N4BP1: variants seen among roughly 807,000 people sequenced by gnomAD.
N4BP1 encodes the protein NEDD4 binding protein 1, also known as NEDD4-binding protein 1.
N4BP1 carries 21 observed loss-of-function variants against 70.9 expected under a neutral mutation model. The ratio of observed to expected loss-of-function variants is 0.30; its 90% confidence interval spans 0.21 to 0.43. The LOEUF (loss-of-function observed/expected upper bound fraction) is 0.43, where lower values mean the gene tolerates loss of function less well. Ranked by LOEUF, N4BP1 falls within the 20% of genes least tolerant of loss-of-function variation. The probability of loss-of-function intolerance (pLI) is 1.00; values close to 1 mark genes in which losing one functional copy is unlikely to be tolerated. For synonymous variants in N4BP1, 387 were observed against 394.6 expected (o/e 0.98, Z 0.23); for missense variants, 936 against 1,069.4 (o/e 0.88, Z 1.74).
intron 1 of N4BP1, among the ~76,000 whole-genome samples, chr16:48,607,577 A>G (rs781182825): frequency 6.6e-6 from 1 of 152,194 alleles, no homozygotes; most frequent in Non-Finnish European, 1.5e-5. Context: ...ATGAATGAGT[A>G]AAGGCAATGG....
At chr16:48,590,795 C>T (rs1393890554) in intron 1 of N4BP1, among the ~76,000 whole-genome samples, 1 of 152,148 alleles carries the variant, frequency 6.6e-6, no homozygotes, top group African/African-American at 2.4e-5. Context: ...TCCATAGCCC[C>T]ATGGTGTGGT....
intron 1 of N4BP1, among the ~76,000 whole-genome samples, chr16:48,564,908 TTTTA>T (rs1444883248): frequency 6.6e-6 from 1 of 152,248 alleles, no homozygotes; most frequent in Non-Finnish European, 1.5e-5. Flanking sequence ...GTTTTAAGAA[TTTTA>T]TTTTTCTGAG....
chr16:48,561,439 C>G lies in N4BP1; in HGVS notation c.1204G>C (p.Val402Leu). The change falls in exon 2 of 7, where the codon GTG becomes CTG. Residue 402 changes from valine (V) to leucine (L), a missense_variant. Physicochemically the swap from Val to Leu is conservative, Grantham distance 32. Around this residue, in one of 4 missense-constraint regions of N4BP1, gnomAD observed 515 missense variants for 491.7 expected, o/e 1.05. Transcript: ENST00000262384. ...QEDREFSAGT[V>L]YPETNKTKNK... is the part of the protein sequence containing the mutation. ...TTGGTTTTGTTGGTCTCTGGATACA[C>G]TGTACCAGCTGAAAATTCTCTGTCT... is the stretch of plus-strand genomic sequence containing the variant. 6 of 1,612,406 alleles carry G rather than the reference C, an allele frequency of 3.7e-6. No homozygotes were observed. Among genetic ancestry groups the G allele is most frequent in the Non-Finnish European group, 4.2e-6 (5 of 1,179,544 alleles).
At position 48,561,117 on chromosome 16, in the gene N4BP1, C is replaced by A; in HGVS notation, c.1526G>T (p.Arg509Met). Reference sequence around the variant, plus strand: ...TCTGGGCTGGTGACTTGAAGCTCCCCTTGAAACAAAATTGACTTCTTTGGG... The same window carrying A: ...TCTGGGCTGGTGACTTGAAGCTCCCATTGAAACAAAATTGACTTCTTTGGG... ...PSPKEVNFVS[R>M]GASSHQPRVP... The change falls in exon 2 of 7, where the codon AGG (arginine) becomes ATG (methionine). Residue 509 changes from arginine (R) to methionine (M), a missense_variant. Arg to Met is a moderately conservative substitution (Grantham distance 91). Coordinates refer to ENST00000262384, the MANE Select transcript of N4BP1 (RefSeq NM_153029.4). The A allele has an allele frequency of 2.3e-5, 37 of 1,613,980 alleles. No individual in the cohort carries two copies. The highest frequency in any genetic ancestry group is 3.1e-5 in the Non-Finnish European group (37 of 1,179,874).
chr16:48,600,786 C>T (rs1460359978), intron 1 of N4BP1: 8 of 274,534 alleles, frequency 2.9e-5, no homozygotes, highest in Non-Finnish European at 5.7e-5. Context: ...CTGCCATCTA[C>T]AAAACATCAG....
intron 1 of N4BP1, among the ~76,000 whole-genome samples, chr16:48,606,286 C>A (rs11640203): frequency 0.068 from 10,304 of 152,240 alleles, 459 homozygotes; most frequent in Middle Eastern, 0.11. Context: ...CCCCCTACCC[C>A]CTCATGCCCA....
At chr16:48,605,199 A>C (rs1445826766) in intron 1 of N4BP1, among the ~76,000 whole-genome samples, 1 of 151,880 alleles carries the variant, frequency 6.6e-6, no homozygotes, top group Non-Finnish European at 1.5e-5. Flanking sequence ...CACCTGGCTA[A>C]TTTTGTAATT....
intron 1 of N4BP1, among the ~76,000 whole-genome samples, chr16:48,576,033 T>C (rs1964087771): frequency 6.6e-6 from 1 of 151,990 alleles, no homozygotes; most frequent in South Asian, 2.1e-4. Flanking sequence ...CACTTTAGTA[T>C]GCTATTTTTT....
intron 2 of N4BP1, among the ~76,000 whole-genome samples, chr16:48,559,191 C>A (rs538148967): frequency 6.6e-6 from 1 of 151,930 alleles, no homozygotes; most frequent in Non-Finnish European, 1.5e-5. Flanking sequence ...ATTTGAAAAT[C>A]CTAATAAAAA....
chr16:48,560,376 T>TA (rs3842356), intron 2 of N4BP1, among the ~76,000 whole-genome samples: 20 of 151,504 alleles, frequency 1.3e-4, no homozygotes, highest in African/African-American at 2.4e-4. Flanking sequence ...CATAATAAGA[T>TA]AAAAAAAAAT....
chr16:48,552,569 G>A (rs1467830876), intron 3 of N4BP1, among the ~76,000 whole-genome samples: 2 of 151,180 alleles, frequency 1.3e-5, no homozygotes, highest in Admixed American at 6.6e-5. Flanking sequence ...GTGGTGGTGC[G>A]TGCCTGCAGT....
intron 1 of N4BP1, among the ~76,000 whole-genome samples, chr16:48,592,551 A>G (rs991709132): frequency 6.6e-6 from 1 of 152,214 alleles, no homozygotes; most frequent in Non-Finnish European, 1.5e-5. Flanking sequence ...GTTGTGTGTG[A>G]TGTTTATATA....
chr16:48,596,143 A>G (rs1964410470), intron 1 of N4BP1, among the ~76,000 whole-genome samples: 1 of 152,206 alleles, frequency 6.6e-6, no homozygotes, highest in Non-Finnish European at 1.5e-5. Flanking sequence ...AAGGACTAGG[A>G]GAGAAACGTG....
At chr16:48,601,528 C>T (rs1435525845) in intron 1 of N4BP1, among the ~76,000 whole-genome samples, 1 of 151,810 alleles carries the variant, frequency 6.6e-6, no homozygotes, top group Non-Finnish European at 1.5e-5. Context: ...TCCCAGAAGA[C>T]TGGTAGGTAG....
At chr16:48,601,500 T>C (rs1743051718) in intron 1 of N4BP1, among the ~76,000 whole-genome samples, 1 of 152,104 alleles carries the variant, frequency 6.6e-6, no homozygotes. Flanking sequence ...AAAGTGTTGA[T>C]TCAAGAATGG....
chr16:48,603,430 A>G (rs1964532468), intron 1 of N4BP1, among the ~76,000 whole-genome samples: 1 of 152,118 alleles, frequency 6.6e-6, no homozygotes, highest in African/African-American at 2.4e-5. Flanking sequence ...AGCTGTGGTC[A>G]GTGAACTCCA....
At chr16:48,595,062 A>G (rs550912624) in intron 1 of N4BP1, among the ~76,000 whole-genome samples, 14 of 152,330 alleles carry the variant, frequency 9.2e-5, no homozygotes, top group Admixed American at 2.6e-4. Flanking sequence ...GATAGCTAAA[A>G]TGTTCATGAA....
At chr16:48,592,723 T>C (rs1384401950) in intron 1 of N4BP1, among the ~76,000 whole-genome samples, 1 of 152,230 alleles carries the variant, frequency 6.6e-6, no homozygotes, top group Admixed American at 6.5e-5. Flanking sequence ...ATCTTCCAAA[T>C]TTAGACATTT....
At chr16:48,605,323 C>T (rs2085498582) in intron 1 of N4BP1, among the ~76,000 whole-genome samples, 3 of 152,298 alleles carry the variant, frequency 2.0e-5, no homozygotes, top group Admixed American at 6.5e-5. Flanking sequence ...TGAGCCACTG[C>T]GCCCGGCCTA....
Sources: gnomAD v4.1 joint callset for allele counts (sites outside exome capture counted in the v4.1 genomes callset) on GRCh38, gnomAD v4.1.1 for gene constraint, gnomAD v4.1.1 regional missense constraint, MANE v1.5 for transcripts, NCBI Gene and HGNC (gene_info 2026-07-23, HGNC 2026-07-21) for gene names.